The following CILK1 variants were observed in gnomAD, a reference collection of about 807,000 sequenced individuals.
CILK1 encodes ciliogenesis associated kinase 1.
In CILK1, 47 loss-of-function variants were observed where a neutral mutation model predicts 79.2. That is an observed-to-expected ratio of 0.59 (90% CI 0.47 to 0.76). CILK1 has a LOEUF of 0.76. CILK1 is among the 30% of genes least tolerant of loss of function. The pLI is 0.00. For missense variants in CILK1, 660 were observed against 769.5 expected (o/e 0.86, Z 1.68); for synonymous variants, 266 against 275.9 (o/e 0.96, Z 0.36).
rs531549760 is a variant in CILK1 at position 53,043,440 on chromosome 6, G to C, written c.-172-2032C>G. The stretch of plus-strand genomic sequence containing the variant: ...TAAAACTCCTGCCTGATTTTACCAT[G>C]CTTTATCACAGAATCAAACAAGCTT... On this transcript the variant is annotated intron_variant, in intron 1 of 13. Transcript: ENST00000676107. Among the ~76,000 whole-genome samples, 398 of 152,146 alleles carry C rather than the reference G, an allele frequency of 2.6e-3. 1 individual carries two copies. Among genetic ancestry groups the C allele is most frequent in the Non-Finnish European group, 4.7e-3 (318 of 67,994 alleles).
intron 4 of CILK1, among the ~76,000 whole-genome samples, chr6:53,031,530 G>A (rs1268282503): frequency 6.6e-6 from 1 of 152,190 alleles, no homozygotes; most frequent in Admixed American, 6.5e-5. Context: ...AGATCACTCA[G>A]AGGAGTACTG....
intron 1 of CILK1, among the ~76,000 whole-genome samples, chr6:53,048,093 G>C (rs1273176867): frequency 6.6e-6 from 1 of 152,098 alleles, no homozygotes; most frequent in Non-Finnish European, 1.5e-5. Context: ...AACGTGAAAG[G>C]TGCCCACTGG....
Position 53,013,665 on chromosome 6 carries a change from C to T in CILK1, c.1149G>A (p.Gln383=), listed in dbSNP as rs1159494518. Residue 383 remains glutamine (Q), a synonymous_variant, in exon 9 of 14, where the codon CAG becomes CAA. Transcript: ENST00000676107. ...CTGGTGAATCTGGGCTGCTCACCGA[C>T]TGTGGATGCTTGTTGTGGAGGGATG... ...LFPSLHNKHP[Q]SKITAGLEHK... 1.2e-6 allele frequency: 2 copies of T among 1,613,968 alleles called. No individual in the cohort carries two copies. Among genetic ancestry groups the T allele is most frequent in the East Asian group, 2.2e-5 (1 of 44,906 alleles).
intron 1 of CILK1, among the ~76,000 whole-genome samples, chr6:53,055,918 G>A (rs1295749766): frequency 1.3e-5 from 2 of 152,204 alleles, no homozygotes; most frequent in Non-Finnish European, 2.9e-5. Context: ...CCTGCCATGT[G>A]TGAAACTGTA....
intron 7 of CILK1, 47 bp downstream of exon 7, chr6:53,018,283 G>A (rs747006443): frequency 2.5e-6 from 4 of 1,570,838 alleles, no homozygotes; most frequent in Admixed American, 1.7e-5. Flanking sequence ...GAGGAAGCAT[G>A]GGAAGCTGTT....
In CILK1 at chr6:53,037,756, T is replaced by G. The variant is rs1396006502; in HGVS notation, c.156+183A>C. Among the ~76,000 whole-genome samples, 3 of 152,178 alleles carry G rather than the reference T, an allele frequency of 2.0e-5. No homozygotes were observed. The East Asian group carries it at 5.8e-4, about 29-fold the overall frequency. ...AAGTGATCCATTAAAGATGAAAGCT[T>G]TCTAATAACAGTATATACAATTATA... On this transcript the variant is annotated intron_variant, in intron 3 of 13. Transcript: ENST00000676107.
chr6:53,050,359 C>CA (rs1767394720), intron 1 of CILK1, among the ~76,000 whole-genome samples: 1 of 151,654 alleles, frequency 6.6e-6, no homozygotes, highest in Non-Finnish European at 1.5e-5. Flanking sequence ...GGGTTCTTTA[C>CA]AATTTGTTAA....
At chr6:53,050,892 T>C (rs1354742433) in intron 1 of CILK1, among the ~76,000 whole-genome samples, 2 of 152,204 alleles carry the variant, frequency 1.3e-5, no homozygotes, top group Admixed American at 1.3e-4. Context: ...CAGCAATATC[T>C]GAAATACGCT....
intron 5 of CILK1, among the ~76,000 whole-genome samples, chr6:53,020,099 T>C (rs1215372691): frequency 6.6e-6 from 1 of 152,230 alleles, no homozygotes; most frequent in Non-Finnish European, 1.5e-5. Context: ...TTGCAACATA[T>C]GTTTAAATGT....
chr6:53,018,357 A>G lies in CILK1; in HGVS notation c.636T>C (p.Ile212=), dbSNP rs1264860309. The G allele has an allele frequency of 7.4e-6, 12 of 1,614,124 alleles. No homozygotes were observed. The highest frequency in any genetic ancestry group is 1.0e-5 in the Non-Finnish European group (12 of 1,180,028). Residue 212 remains isoleucine (I), a synonymous_variant, in exon 7 of 14, where the codon ATT becomes ATC. Transcript: ENST00000676107. ...TTTTTGGTGTCCCCAGCACTTGGCA[A>G]ATTTTGAATATTGTGTCAATTTCAC... ...GASEIDTIFK[I]CQVLGTPKKT... is the part of the protein sequence containing the mutation.
chr6:53,037,007 T>C (rs2127446550), intron 3 of CILK1, among the ~76,000 whole-genome samples: 1 of 152,308 alleles, frequency 6.6e-6, no homozygotes, highest in South Asian at 2.1e-4. Flanking sequence ...ACTGACTATC[T>C]GGCCCTTTAC....
chr6:53,013,847 C>A lies in CILK1; in HGVS notation c.967G>T (p.Ala323Ser), dbSNP rs1208091213. 6.2e-7 allele frequency: 1 copy of A among 1,613,918 alleles called. No individual in the cohort carries two copies. The highest frequency in any genetic ancestry group is 1.7e-5 in the Admixed American group (1 of 59,990). Residue 323 changes from alanine to serine, a missense_variant, in exon 9 of 14, where the codon GCC becomes TCC. By Grantham distance (99) the Ala-to-Ser change is moderately conservative. Coordinates refer to ENST00000676107, the MANE Select transcript of CILK1 (RefSeq NM_014920.5). Reference protein sequence around the residue: ...PPPYIKPVPPAQPPAKPHTRI... With the variant: ...PPPYIKPVPPSQPPAKPHTRI... ...GTGTGTGGCTTGGCTGGTGGCTGGGCAGGTGGGACTGGCTTAATATAAGGA... is the reference window on the plus strand; with the variant it reads ...GTGTGTGGCTTGGCTGGTGGCTGGGAAGGTGGGACTGGCTTAATATAAGGA...
intron 12 of CILK1, among the ~76,000 whole-genome samples, chr6:53,007,658 G>A (rs1343125136): frequency 6.6e-6 from 1 of 152,100 alleles, no homozygotes; most frequent in Non-Finnish European, 1.5e-5. Flanking sequence ...GGCTGGGCAT[G>A]GTGGCTCACA....
intron 5 of CILK1, 145 bp from the exon 6 acceptor site, chr6:53,019,504 T>A: frequency 1.3e-6 from 1 of 793,592 alleles, no homozygotes. Flanking sequence ...ATCCCACAGA[T>A]AATGTAGAGT....
chr6:53,036,761 C>T (rs1766367385), intron 3 of CILK1, among the ~76,000 whole-genome samples: 1 of 152,166 alleles, frequency 6.6e-6, no homozygotes, highest in African/African-American at 2.4e-5. Context: ...CGGTTGCAAT[C>T]AGTTTGATGA....
At position 53,013,768 on chromosome 6, in the gene CILK1, T is replaced by C. The variant is rs1037465354; in HGVS notation, c.1046A>G (p.Tyr349Cys). Residue 349 changes from tyrosine (Y) to cysteine (C), a missense_variant, in exon 9 of 14, where the codon TAC (tyrosine) becomes TGC (cysteine). Transcript: ENST00000676107. ...QASQPPLHLT[Y>C]PYKAEVSRTD... ...CCTGGAGACCTCTGCTTTGTAGGGG[T>C]ACGTGAGATGCAGAGGGGGCTGGCT... The C allele has an allele frequency of 6.2e-7, 1 of 1,613,828 alleles. No individual in the cohort carries two copies. Among genetic ancestry groups the C allele is most frequent in the Non-Finnish European group, 8.5e-7 (1 of 1,179,994 alleles).
At chr6:53,043,925 AAG>A (rs1207932298) in intron 1 of CILK1, among the ~76,000 whole-genome samples, 1 of 152,118 alleles carries the variant, frequency 6.6e-6, no homozygotes, top group Non-Finnish European at 1.5e-5. Flanking sequence ...TGTCTTAAAA[AAG>A]AGAAAAGTAG....
intron 5 of CILK1, among the ~76,000 whole-genome samples, chr6:53,025,078 C>T (rs1765489150): frequency 6.6e-6 from 1 of 152,182 alleles, no homozygotes; most frequent in African/African-American, 2.4e-5. Flanking sequence ...AGTGATTCAC[C>T]CGTCTCAGCC....
chr6:53,014,836 T>C (rs1764799961), intron 8 of CILK1, among the ~76,000 whole-genome samples: 1 of 152,236 alleles, frequency 6.6e-6, no homozygotes, highest in South Asian at 2.1e-4. Context: ...CACACTATTC[T>C]TAAAAGCATA....
Sources: allele counts gnomAD v4.1 joint callset (sites outside exome capture counted in the v4.1 genomes callset), GRCh38; gene constraint gnomAD v4.1.1; transcripts MANE v1.5; gene names NCBI Gene and HGNC (gene_info 2026-07-23, HGNC 2026-07-21).